Variants in PHF2 observed in about 807,000 individuals in gnomAD.
The protein encoded by PHF2 is PHD finger protein 2, also known as lysine-specific demethylase PHF2.
PHF2 carries 27 observed loss-of-function variants against 120.5 expected under a neutral mutation model. The observed-to-expected ratio is 0.22, with a 90% CI of 0.17 to 0.31. The LOEUF is 0.31. Ranked by LOEUF, PHF2 falls within the 10% of genes least tolerant of loss-of-function variation. The probability of loss-of-function intolerance (pLI) is 1.00; values close to 1 mark genes in which losing one functional copy is unlikely to be tolerated. For missense variants in PHF2, 1,024 were observed against 1,434.8 expected, an observed-to-expected ratio of 0.71 and a Z score of 4.63; for synonymous variants, 568 against 592.5, an observed-to-expected ratio of 0.96 and a Z score of 0.60.
chr9:93,649,178 C>A lies in PHF2; in HGVS notation c.568C>A (p.Leu190Ile), dbSNP rs1383218846. 6.5e-7 allele frequency: 1 copy of A among 1,550,030 alleles called. No homozygotes were observed. Among genetic ancestry groups the A allele is most frequent in the South Asian group, 1.2e-5 (1 of 84,024 alleles). Residue 190 changes from leucine to isoleucine, a missense_variant, in exon 5 of 22, where the codon CTC (leucine) becomes ATC (isoleucine). Physicochemically the swap from Leu to Ile is conservative, Grantham distance 5. Coordinates refer to ENST00000359246, the MANE Select transcript of PHF2 (RefSeq NM_005392.4). ...CTACAGCACCAACCGCAAGCGGGTC[C>A]TCAACGTCACCAACCTCGAGTTCTC... Reference protein sequence around the residue: ...YYYSTNRKRVLNVTNLEFSDT... With the variant: ...YYYSTNRKRVINVTNLEFSDT...
chr9:93,607,938 G>A (rs1825569318), intron 1 of PHF2, among the ~76,000 whole-genome samples: 2 of 77,932 alleles, frequency 2.6e-5, no homozygotes, highest in African/African-American at 7.8e-5. Flanking sequence ...GAGGGAAAGA[G>A]ATGAGAGAGA....
intron 4 of PHF2, among the ~76,000 whole-genome samples, chr9:93,646,856 C>G (rs1826269546): frequency 6.6e-6 from 1 of 152,154 alleles, no homozygotes; most frequent in Non-Finnish European, 1.5e-5. Context: ...CTAGAAAGTG[C>G]TTGTCCCGGG....
chr9:93,654,167 A>G (rs1293315342), intron 6 of PHF2, among the ~76,000 whole-genome samples: 1 of 152,192 alleles, frequency 6.6e-6, no homozygotes, highest in African/African-American at 2.4e-5. Flanking sequence ...CACCCACACC[A>G]TTTGTAGTGC....
chr9:93,578,828 T>TC (rs1319318035), intron 1 of PHF2, among the ~76,000 whole-genome samples: 1 of 152,172 alleles, frequency 6.6e-6, no homozygotes, highest in Non-Finnish European at 1.5e-5. Flanking sequence ...AGGCTCTAGC[T>TC]CCTTTTTTTC....
chr9:93,602,613 T>G lies in PHF2; in HGVS notation c.98+25742T>G, dbSNP rs1427940462. The stretch of plus-strand genomic sequence containing the variant: ...TTTTCTAGCGTGTGTGAATGTGCAG[T>G]TCCCTGTTTTGAATTTTTTTTTTCC... On this transcript the variant is annotated intron_variant, in intron 1 of 21. Transcript: ENST00000359246. Among the ~76,000 whole-genome samples the G allele has an allele frequency of 2.0e-5, 3 of 152,204 alleles. No homozygotes were observed. In the East Asian group the frequency reaches 5.8e-4, roughly 29 times the overall value.
chr9:93,608,472 A>G (rs1297090324), intron 1 of PHF2, among the ~76,000 whole-genome samples: 4 of 151,766 alleles, frequency 2.6e-5, no homozygotes, highest in African/African-American at 9.7e-5. Flanking sequence ...TGAGTAAGGA[A>G]GTATTCCCTC....
intron 3 of PHF2, among the ~76,000 whole-genome samples, chr9:93,638,655 A>G (rs1253445654): frequency 6.6e-6 from 1 of 152,256 alleles, no homozygotes; most frequent in African/African-American, 2.4e-5. Context: ...AGTACCACAC[A>G]GTCTTAATTA....
At chr9:93,649,238 G>C in intron 5 of PHF2, 26 bp downstream of exon 5, 1 of 1,545,974 alleles carries the variant, frequency 6.5e-7, no homozygotes, top group Non-Finnish European at 8.7e-7. Context: ...CTGGGGGTGT[G>C]GGGGCTGGGG....
intron 20 of PHF2, 121 bp downstream of exon 20, chr9:93,675,910 G>A (rs1826901773): frequency 1.5e-6 from 1 of 687,758 alleles, no homozygotes; most frequent in Non-Finnish European, 2.5e-6. Context: ...GCCAGGGGTG[G>A]TCACAGGCTT....
chr9:93,649,845 G>A (rs914874439), intron 5 of PHF2, among the ~76,000 whole-genome samples: 1 of 151,880 alleles, frequency 6.6e-6, no homozygotes, highest in East Asian at 1.9e-4. Flanking sequence ...AGACACCAAC[G>A]TGTGGTGCAG....
At chr9:93,657,347 G>A (rs1392720308) in intron 9 of PHF2, among the ~76,000 whole-genome samples, 1 of 152,206 alleles carries the variant, frequency 6.6e-6, no homozygotes, top group Admixed American at 6.5e-5. Flanking sequence ...GGCTGGCCAG[G>A]TTGCGGTAAG....
rs1187018480 is a variant in PHF2 at position 93,603,316 on chromosome 9, C to T, written c.98+26445C>T. On this transcript the variant is annotated intron_variant, in intron 1 of 21. Coordinates refer to ENST00000359246, the MANE Select transcript of PHF2 (RefSeq NM_005392.4). Reference sequence around the variant, plus strand: ...TGACTGCACGCTGCCCTCCCGACCCCGACTTAGCTGTGGTTGTCTACGGCA... The same window carrying T: ...TGACTGCACGCTGCCCTCCCGACCCTGACTTAGCTGTGGTTGTCTACGGCA... Among the ~76,000 whole-genome samples, 7 of 152,314 alleles carry T rather than the reference C, an allele frequency of 4.6e-5. No homozygotes were observed. The East Asian group carries it at 1.2e-3, about 25-fold the overall frequency.
At chr9:93,612,361 G>T in intron 1 of PHF2, among the ~76,000 whole-genome samples, 1 of 152,222 alleles carries the variant, frequency 6.6e-6, no homozygotes, top group East Asian at 1.9e-4. Flanking sequence ...AATGCTTGTT[G>T]GTCTGTGGCA....
At chr9:93,672,892 A>T in intron 17 of PHF2, 1 of 922,618 alleles carries the variant, frequency 1.1e-6, no homozygotes. Flanking sequence ...GTGTGGTTGG[A>T]GGTACAGGTG....
intron 1 of PHF2, among the ~76,000 whole-genome samples, chr9:93,608,390 GA>G (rs1323425227): frequency 1.4e-5 from 2 of 141,534 alleles, no homozygotes; most frequent in East Asian, 4.0e-4. Context: ...GAGAAATATT[GA>G]TTGGTAGTTT....
chr9:93,662,908 C>T lies in PHF2; in HGVS notation c.1700C>T (p.Ala567Val), dbSNP rs1446317932. 1.9e-6 allele frequency: 3 copies of T among 1,613,832 alleles called. No homozygotes were observed. Among genetic ancestry groups the T allele is most frequent in the Non-Finnish European group, 2.5e-6 (3 of 1,179,868 alleles). The change falls in exon 13 of 22, where the codon GCC (alanine) becomes GTC (valine). Residue 567 changes from alanine to valine, a missense_variant and splice_region_variant. Physicochemically the swap from Ala to Val is moderately conservative, Grantham distance 64 (BLOSUM62 0). Transcript: ENST00000359246. Reference protein sequence around the residue: ...TKMEPPKKGKATKSVLSVPNK... With the variant: ...TKMEPPKKGKVTKSVLSVPNK... ...GGTCACAGCAGCCCTTTTTTCTAGG[C>T]CACAAAGAGTGTCCTGAGTGTGCCC...
intron 15 of PHF2, 40 bp from the exon 16 acceptor site, chr9:93,665,950 G>A (rs367933512): frequency 4.3e-6 from 7 of 1,611,890 alleles, no homozygotes; most frequent in African/African-American, 2.7e-5. Context: ...CTGGCTCCCC[G>A]CAAGGCCTCC....
chr9:93,661,953 A>T (rs1423136307), intron 12 of PHF2, among the ~76,000 whole-genome samples: 1 of 151,802 alleles, frequency 6.6e-6, no homozygotes, highest in Non-Finnish European at 1.5e-5. Flanking sequence ...AAATGGATAG[A>T]TGAATGGATG....
At chr9:93,644,416 TC>T in intron 3 of PHF2, among the ~76,000 whole-genome samples, 1 of 149,386 alleles carries the variant, frequency 6.7e-6, no homozygotes, top group Admixed American at 6.7e-5. Context: ...TTCCAGCAGC[TC>T]CCAGTGCTGC....
Sources: allele counts gnomAD v4.1 joint callset (sites outside exome capture counted in the v4.1 genomes callset), GRCh38; gene constraint gnomAD v4.1.1; transcripts MANE v1.5; gene names NCBI Gene and HGNC (gene_info 2026-07-23, HGNC 2026-07-21).